Variants in ZNF470 observed in about 807,000 individuals in gnomAD.
The protein encoded by ZNF470 is chondrogenesis zinc finger protein 1.
Under a neutral mutation model 13.9 loss-of-function variants are expected in ZNF470, and 13 were observed. That is an observed-to-expected ratio of 0.94 (90% CI 0.61 to 1.49). The LOEUF (loss-of-function observed/expected upper bound fraction) is 1.49. Ranked by LOEUF, ZNF470 falls within the 40% of genes most tolerant of loss-of-function variation. The pLI, the probability that ZNF470 is intolerant of heterozygous loss-of-function variation, is 0.00. For synonymous variants in ZNF470, 293 were observed against 282.9 expected (o/e 1.04, Z -0.36); for missense variants, 929 against 857.3 (o/e 1.08, Z -1.04).
In ZNF470 at chr19:56,578,848, G is replaced by T; in HGVS notation, c.*265G>T. ...CCATTTCAAGGATTTAGCACACACT[G>T]GCATATAGTTATTGCTAAATAAATG... On this transcript the variant is annotated 3_prime_UTR_variant, in exon 6 of 6. Transcript: ENST00000330619. The T allele has an allele frequency of 8.7e-7, 1 of 1,149,188 alleles. No homozygotes were observed. The highest frequency in any genetic ancestry group is 4.1e-5 in the South Asian group (1 of 24,208). The allele number at this position is 1,149,188 out of a possible 1,614,324, so 71.2% of individuals were successfully genotyped here.
intron 5 of ZNF470, among the ~76,000 whole-genome samples, chr19:56,575,292 C>A (rs1600567243): frequency 6.6e-6 from 1 of 151,804 alleles, no homozygotes; most frequent in Non-Finnish European, 1.5e-5. Context: ...ATTTTAAGAT[C>A]TTTTAGAATT....
At position 56,567,765 on chromosome 19, in the gene ZNF470, G is replaced by A; in HGVS notation, c.-432G>A. ...CTGCGCCTGCGTGCATGGCCCGGCG[G>A]CGTGCGGAAGGCGGTGTGTGTTGGA... On this transcript the variant is annotated 5_prime_UTR_variant, in exon 1 of 6. Transcript: ENST00000330619. 1 of 987,448 alleles carries A rather than the reference G, an allele frequency of 1.0e-6. No individual in the cohort carries two copies. The highest frequency in any genetic ancestry group is 1.2e-6 in the Non-Finnish European group (1 of 831,468). 61.2% of individuals were successfully genotyped at this position (987,448 alleles called of 1,614,324 possible).
chr19:56,578,604 C>G lies in ZNF470; in HGVS notation c.*21C>G. On this transcript the variant is annotated 3_prime_UTR_variant, in exon 6 of 6. Transcript: ENST00000330619. ...TATAGATTCAATCTCGTAAATGCTT[C>G]TAGCATCCATCTGCTTTTTTCCAGC... 1 of 1,482,028 alleles carries G rather than the reference C, an allele frequency of 6.7e-7. No homozygotes were observed. The highest frequency in any genetic ancestry group is 9.0e-7 in the Non-Finnish European group (1 of 1,114,296). The allele number at this position is 1,482,028 out of a possible 1,614,324, so 91.8% of individuals were successfully genotyped here. A position where few individuals can be genotyped will look rare whatever the true frequency, so the allele number is the denominator to read the frequency against.
In ZNF470 at chr19:56,581,572, A is replaced by G; in HGVS notation, c.*2989A>G. The G allele has an allele frequency of 5.0e-6, 4 of 800,320 alleles. No homozygotes were observed. Among genetic ancestry groups the G allele is most frequent in the Non-Finnish European group, 6.0e-6 (4 of 661,494 alleles). 49.6% of individuals were successfully genotyped at this position (800,320 alleles called of 1,614,324 possible). Reference sequence around the variant, plus strand: ...AATAGGAATTATGCAGCTGTTGAAAAAAAATCAATGTGTGTAGTCATAGAA... The same window carrying G: ...AATAGGAATTATGCAGCTGTTGAAAGAAAATCAATGTGTGTAGTCATAGAA... On this transcript the variant is annotated 3_prime_UTR_variant, in exon 6 of 6. Transcript: ENST00000330619.
At position 56,581,680 on chromosome 19, in the gene ZNF470, C is replaced by T. The variant is rs932965887; in HGVS notation, c.*3097C>T. On this transcript the variant is annotated 3_prime_UTR_variant, in exon 6 of 6. Transcript: ENST00000330619. ...TAATTGTGATATCAAAAATAAAAAT[C>T]AAAATATATATTATAGTAGGCATTT... 1 of 981,178 alleles carries T rather than the reference C, an allele frequency of 1.0e-6. No individual in the cohort carries two copies. The highest frequency in any genetic ancestry group is 1.2e-6 in the Non-Finnish European group (1 of 826,264). The allele number at this position is 981,178 out of a possible 1,614,324, so 60.8% of individuals were successfully genotyped here.
rs550969455 is a variant in ZNF470 at position 56,567,946 on chromosome 19, C to T, written c.-251C>T. ...GGGGCAGCCTCGGCTGAAGCATTTCCTGTCAGCCCTATCTGGAAGGGGCAG... is the reference window on the plus strand; with the variant it reads ...GGGGCAGCCTCGGCTGAAGCATTTCTTGTCAGCCCTATCTGGAAGGGGCAG... On this transcript the variant is annotated 5_prime_UTR_variant, in exon 1 of 6. Coordinates refer to ENST00000330619, the MANE Select transcript of ZNF470 (RefSeq NM_001001668.4). The T allele has an allele frequency of 2.3e-3, 2,247 of 985,796 alleles. 2 individuals are homozygous for T. The highest frequency in any genetic ancestry group is 2.6e-3 in the Admixed American group (42 of 16,298). 61.1% of individuals were successfully genotyped at this position (985,796 alleles called of 1,614,324 possible). A position where few individuals can be genotyped will look rare whatever the true frequency, so the allele number is the denominator to read the frequency against.
rs964890842 is a variant in ZNF470, at chr19:56,575,977, A to T, written c.284-736A>T. On this transcript the variant is annotated intron_variant, in intron 5 of 5. Coordinates refer to ENST00000330619, the MANE Select transcript of ZNF470 (RefSeq NM_001001668.4). ...ATAAAAGTAGGAATAAATGAATTAG[A>T]AACAGTAGCGCTACTGAAAATAAAG... Among the ~76,000 whole-genome samples, 5 of 152,312 alleles carry T rather than the reference A, an allele frequency of 3.3e-5. No homozygotes were observed. The South Asian group carries it at 1.0e-3, about 32-fold the overall frequency.
At position 56,581,358 on chromosome 19, in the gene ZNF470, C is replaced by T. The variant is rs1027302026; in HGVS notation, c.*2775C>T. 1.1e-6 allele frequency: 1 copy of T among 948,802 alleles called. No individual in the cohort carries two copies. Among genetic ancestry groups the T allele is most frequent in the Non-Finnish European group, 1.3e-6 (1 of 796,674 alleles). 58.8% of individuals were successfully genotyped at this position (948,802 alleles called of 1,614,324 possible). On this transcript the variant is annotated 3_prime_UTR_variant, in exon 6 of 6. Coordinates refer to ENST00000330619, the MANE Select transcript of ZNF470 (RefSeq NM_001001668.4). ...TTCAGTATTGGTGAATGTGTGGAAA[C>T]AAGGGAATTCCATTGTTGATTACAT...
rs1385112504 is a variant in ZNF470, at chr19:56,577,990, A to T, written c.1561A>T (p.Asn521Tyr). Residue 521 changes from asparagine (N) to tyrosine (Y), a missense_variant, in exon 6 of 6, where the codon AAT becomes TAT. Physicochemically the swap from Asn to Tyr is moderately radical, Grantham distance 143. Transcript: ENST00000330619. ...GGAATGCAGCAAAACCTTCAGCCAG[A>T]ATGCACACCTCGCGCAACATCAGAA... ...CKECSKTFSQ[N>Y]AHLAQHQKIH... 5 of 1,613,348 alleles carry T rather than the reference A, an allele frequency of 3.1e-6. No individual in the cohort carries two copies. In the South Asian group the frequency reaches 4.4e-5, roughly 14 times the overall value.
Position 56,567,620 on chromosome 19 carries a change from G to A in ZNF470, c.-577G>A. ...GTGGGCGGCGGGCGTGAGCGTGCGCGTGTGGCCTGGTGGCTGTGAGTGCCC... is the reference window on the plus strand; with the variant it reads ...GTGGGCGGCGGGCGTGAGCGTGCGCATGTGGCCTGGTGGCTGTGAGTGCCC... On this transcript the variant is annotated 5_prime_UTR_variant, in exon 1 of 6. It adds an upstream start codon to the 5' untranslated region. Coordinates refer to ENST00000330619, the MANE Select transcript of ZNF470 (RefSeq NM_001001668.4). 1 of 988,518 alleles carries A rather than the reference G, an allele frequency of 1.0e-6. No individual in the cohort carries two copies. Among genetic ancestry groups the A allele is most frequent in the Non-Finnish European group, 1.2e-6 (1 of 832,470 alleles). The allele number at this position is 988,518 out of a possible 1,614,324, so 61.2% of individuals were successfully genotyped here.
At chr19:56,574,994 A>G (rs1320885215) in intron 5 of ZNF470, among the ~76,000 whole-genome samples, 1 of 152,188 alleles carries the variant, frequency 6.6e-6, no homozygotes, top group Non-Finnish European at 1.5e-5. Flanking sequence ...TATTGTTGTC[A>G]TCATCCCTGA....
Position 56,580,266 on chromosome 19 carries a change from T to C in ZNF470, c.*1683T>C. 1 of 599,212 alleles carries C rather than the reference T, an allele frequency of 1.7e-6. No homozygotes were observed. The highest frequency in any genetic ancestry group is 2.1e-6 in the Non-Finnish European group (1 of 478,252). The allele number at this position is 599,212 out of a possible 1,614,324, so 37.1% of individuals were successfully genotyped here. A position where few individuals can be genotyped will look rare whatever the true frequency, so the allele number is the denominator to read the frequency against. ...GATATTGTTTATGATGCTTTGAGTG[T>C]TGGAGGAAGGGAGGATTGATGGTTT... On this transcript the variant is annotated 3_prime_UTR_variant, in exon 6 of 6. Coordinates refer to ENST00000330619, the MANE Select transcript of ZNF470 (RefSeq NM_001001668.4).
chr19:56,575,470 T>TA (rs1424507749), intron 5 of ZNF470, among the ~76,000 whole-genome samples: 1 of 144,792 alleles, frequency 6.9e-6, no homozygotes, highest in Non-Finnish European at 1.5e-5. Context: ...TTTTTTTTTT[T>TA]AATTTTCTTG....
intron 2 of ZNF470, among the ~76,000 whole-genome samples, chr19:56,569,668 T>G (rs11878481): frequency 0.026 from 3,983 of 152,258 alleles, 155 homozygotes; most frequent in African/African-American, 0.09. Context: ...ACAGACATGG[T>G]GGCTCATGCT....
At position 56,570,275 on chromosome 19, in the gene ZNF470, C is replaced by A; in HGVS notation, c.-32-5C>A. 12 of 1,601,722 alleles carry A rather than the reference C, an allele frequency of 7.5e-6. No individual in the cohort carries two copies. The highest frequency in any genetic ancestry group is 1.0e-5 in the Non-Finnish European group (12 of 1,170,282). On this transcript the variant is annotated splice_region_variant and splice_polypyrimidine_tract_variant and intron_variant, in intron 2 of 5. Transcript: ENST00000330619. The stretch of plus-strand genomic sequence containing the variant: ...TGGTTTCTCACTACTTCTTTTTCTC[C>A]CCAGCTCTACAATCCCAGAGTAAAG...
In ZNF470 at chr19:56,582,049, A is replaced by G; in HGVS notation, c.*3466A>G. ...CAATCATACAGAATTTGGTACGAAG[A>G]TTGGGTAATGGGCATTAGAATCTTT... On this transcript the variant is annotated 3_prime_UTR_variant, in exon 6 of 6. Coordinates refer to ENST00000330619, the MANE Select transcript of ZNF470 (RefSeq NM_001001668.4). The G allele has an allele frequency of 3.0e-6, 3 of 985,366 alleles. No individual in the cohort carries two copies. Among genetic ancestry groups the G allele is most frequent in the Non-Finnish European group, 3.6e-6 (3 of 829,926 alleles). 61.0% of individuals were successfully genotyped at this position (985,366 alleles called of 1,614,324 possible).
Position 56,576,897 on chromosome 19 carries a change from T to G in ZNF470, c.468T>G (p.Phe156Leu). 2 of 1,576,026 alleles carry G rather than the reference T, an allele frequency of 1.3e-6. No homozygotes were observed. The highest frequency in any genetic ancestry group is 1.7e-6 in the Non-Finnish European group (2 of 1,168,018). ...ERELVNQKTH[F>L]RQETITHIDT... ...AGCTTGTAAACCAGAAGACACATTTTAGGCAAGAGACCATCACTCATATAG... is the reference window on the plus strand; with the variant it reads ...AGCTTGTAAACCAGAAGACACATTTGAGGCAAGAGACCATCACTCATATAG... The change falls in exon 6 of 6, where the codon TTT (phenylalanine) becomes TTG (leucine). Residue 156 changes from phenylalanine to leucine, a missense_variant. Coordinates refer to ENST00000330619, the MANE Select transcript of ZNF470 (RefSeq NM_001001668.4).
rs2044477069 is a variant in ZNF470, at chr19:56,574,658, G to A, written c.208G>A (p.Asp70Asn). ...VSVGLCISKP[D>N]VISLLEQEKD... Reference sequence around the variant, plus strand: ...TGCAGGTCTTTGCATTTCTAAACCAGATGTGATCTCCTTACTGGAGCAAGA... The same window carrying A: ...TGCAGGTCTTTGCATTTCTAAACCAAATGTGATCTCCTTACTGGAGCAAGA... The change falls in exon 5 of 6, where the codon GAT (aspartate) becomes AAT (asparagine). Residue 70 changes from aspartate (D) to asparagine (N), a missense_variant. Transcript: ENST00000330619. 3.7e-6 allele frequency: 6 copies of A among 1,613,700 alleles called. No individual in the cohort carries two copies. The highest frequency in any genetic ancestry group is 1.7e-5 in the Admixed American group (1 of 59,934).
At position 56,572,903 on chromosome 19, in the gene ZNF470, A is replaced by G. The variant is rs79785598; in HGVS notation, c.61-1491A>G. On this transcript the variant is annotated intron_variant, in intron 3 of 5. Coordinates refer to ENST00000330619, the MANE Select transcript of ZNF470 (RefSeq NM_001001668.4). Reference sequence around the variant, plus strand: ...TCACTAAAGGGAGTTCTTCAGATAGAAATTATACCAGAAGGGAACTTGGAG... The same window carrying G: ...TCACTAAAGGGAGTTCTTCAGATAGGAATTATACCAGAAGGGAACTTGGAG... Among the ~76,000 whole-genome samples the G allele has an allele frequency of 8.1e-4, 123 of 152,318 alleles. 4 individuals carry two copies. The East Asian group carries it at 0.023, about 28-fold the overall frequency.
Sources: allele counts gnomAD v4.1 joint callset (sites outside exome capture counted in the v4.1 genomes callset), GRCh38; gene constraint gnomAD v4.1.1; transcripts MANE v1.5; gene names NCBI Gene and HGNC (gene_info 2026-07-23, HGNC 2026-07-21).